Variants in CACNA1C observed in about 807,000 individuals in gnomAD.
CACNA1C encodes the protein voltage-dependent L-type calcium channel subunit alpha-1C.
A neutral mutation model predicts 229.0 loss-of-function variants in CACNA1C; 30 were observed. That is an observed-to-expected ratio of 0.13 (90% confidence interval 0.10 to 0.18). CACNA1C has a LOEUF of 0.18. Ranked by LOEUF, CACNA1C falls within the 10% of genes least tolerant of loss-of-function variation. CACNA1C has a pLI of 1.00. For synonymous variants in CACNA1C, 1,114 were observed against 1,132.5 expected (o/e 0.98, Z 0.33); for missense variants, 1,658 against 2,845.0 (o/e 0.58, Z 9.49).
At chr12:2,447,154 C>T (rs1334491436) in intron 3 of CACNA1C, among the ~76,000 whole-genome samples, 1 of 152,158 alleles carries the variant, frequency 6.6e-6, no homozygotes, top group African/African-American at 2.4e-5. Flanking sequence ...CCTCAGGTTC[C>T]CCTGTGCTGT....
intron 1 of CACNA1C, among the ~76,000 whole-genome samples, chr12:2,078,664 T>G (rs1015774206): frequency 6.6e-6 from 1 of 152,194 alleles, no homozygotes; most frequent in African/African-American, 2.4e-5. Context: ...AATGCACATA[T>G]AGTTAACACT....
At chr12:2,525,663 ATGAT>A (rs1182233500) in intron 9 of CACNA1C, among the ~76,000 whole-genome samples, 4 of 152,206 alleles carry the variant, frequency 2.6e-5, no homozygotes, top group African/African-American at 4.8e-5. Context: ...CCTTGCCTGC[ATGAT>A]TAAATGCCTC....
chr12:2,224,091 A>G (rs1325292071), intron 3 of CACNA1C, among the ~76,000 whole-genome samples: 2 of 152,144 alleles, frequency 1.3e-5, no homozygotes, highest in South Asian at 2.1e-4. Flanking sequence ...ACAGGTAGAG[A>G]TGGTGAGGCT....
intron 9 of CACNA1C, among the ~76,000 whole-genome samples, chr12:2,531,388 A>G (rs1258011873): frequency 6.6e-6 from 1 of 152,192 alleles, no homozygotes; most frequent in Non-Finnish European, 1.5e-5. Flanking sequence ...CTCTGATACT[A>G]ACTGGCCCTG....
chr12:2,608,455 C>T lies in CACNA1C; in HGVS notation c.3357-56C>T, dbSNP rs1367245365. Reference sequence around the variant, plus strand: ...CCCTGGAGCAGTGGTGCCGTCCTTCCGCAGAGGGGACCCTGCTTCTCCAGT... The same window carrying T: ...CCCTGGAGCAGTGGTGCCGTCCTTCTGCAGAGGGGACCCTGCTTCTCCAGT... On this transcript the variant is annotated intron_variant, in intron 26 of 46. Transcript: ENST00000399655. The surrounding 1 kb of genome is among the most constrained non-coding windows in gnomAD (Gnocchi z 4.2). The T allele has an allele frequency of 7.2e-6, 10 of 1,385,314 alleles. No individual in the cohort carries two copies. The highest frequency in any genetic ancestry group is 1.3e-5 in the South Asian group (1 of 74,792). 85.8% of individuals were successfully genotyped at this position (1,385,314 alleles called of 1,614,324 possible).
At chr12:2,448,696 G>GT in intron 3 of CACNA1C, among the ~76,000 whole-genome samples, 1 of 151,802 alleles carries the variant, frequency 6.6e-6, no homozygotes, top group African/African-American at 2.4e-5. Flanking sequence ...TAAATAAAAT[G>GT]TTTCAAAAAA....
intron 3 of CACNA1C, among the ~76,000 whole-genome samples, chr12:2,151,712 AAG>A (rs1322470833): frequency 6.6e-6 from 1 of 152,170 alleles, no homozygotes; most frequent in African/African-American, 2.4e-5. Flanking sequence ...CTCCATCATG[AAG>A]AGAGTGTTAC....
chr12:2,378,305 G>C (rs1396012868), intron 3 of CACNA1C, among the ~76,000 whole-genome samples: 1 of 152,150 alleles, frequency 6.6e-6, no homozygotes, highest in Non-Finnish European at 1.5e-5. Context: ...CCTAAGGGAA[G>C]CACGGGCCTC....
chr12:2,204,139 C>T (rs1387804273), intron 3 of CACNA1C, among the ~76,000 whole-genome samples: 1 of 151,962 alleles, frequency 6.6e-6, no homozygotes, highest in Non-Finnish European at 1.5e-5. Flanking sequence ...TTAATGATCG[C>T]CATTCTAACT....
chr12:2,432,628 A>G (rs955756100), intron 3 of CACNA1C, among the ~76,000 whole-genome samples: 1 of 152,196 alleles, frequency 6.6e-6, no homozygotes, highest in Non-Finnish European at 1.5e-5. Flanking sequence ...ATAATGGTGC[A>G]ATCATCTGTT....
chr12:2,255,586 C>A (rs1000166480), intron 3 of CACNA1C, among the ~76,000 whole-genome samples: 1 of 152,236 alleles, frequency 6.6e-6, no homozygotes, highest in African/African-American at 2.4e-5. Flanking sequence ...AGAAGGGGCA[C>A]TTCCCAGTTT....
Position 2,651,482 on chromosome 12 carries a change from G to A in CACNA1C, c.3946-158G>A. The A allele has an allele frequency of 9.9e-7, 1 of 1,012,852 alleles. No individual in the cohort carries two copies. The highest frequency in any genetic ancestry group is 2.2e-4 in the Middle Eastern group (1 of 4,470). The allele number at this position is 1,012,852 out of a possible 1,614,324, so 62.7% of individuals were successfully genotyped here. A position where few individuals can be genotyped will look rare whatever the true frequency, so the allele number is the denominator to read the frequency against. ...GGCTGGGCTGTCCACTCATTAAAGT[G>A]GGCGGCCGCCCTCCCATCGGAGGGG... On this transcript the variant is annotated intron_variant, in intron 31 of 46. Coordinates refer to ENST00000399655, the MANE Select transcript of CACNA1C (RefSeq NM_000719.7). The surrounding 1 kb of genome is among the most constrained non-coding windows in gnomAD (Gnocchi z 5.4).
chr12:2,476,341 A>T (rs201858751), intron 5 of CACNA1C, among the ~76,000 whole-genome samples: 1 of 152,262 alleles, frequency 6.6e-6, no homozygotes, highest in African/African-American at 2.4e-5. Flanking sequence ...GGTAGCTTCA[A>T]GTTGGCTTGG....
chr12:2,260,566 C>T (rs752657340), intron 3 of CACNA1C, among the ~76,000 whole-genome samples: 1 of 151,998 alleles, frequency 6.6e-6, no homozygotes, highest in Non-Finnish European at 1.5e-5. Flanking sequence ...GATTGCTCAA[C>T]CCCATGGAGG....
At chr12:2,128,682 A>T (rs1268128440) in intron 3 of CACNA1C, among the ~76,000 whole-genome samples, 1 of 152,178 alleles carries the variant, frequency 6.6e-6, no homozygotes, top group African/African-American at 2.4e-5. Flanking sequence ...AAATGCTGGG[A>T]TTACAGGCGT....
chr12:2,342,052 G>C (rs1334021463), intron 3 of CACNA1C, among the ~76,000 whole-genome samples: 1 of 152,152 alleles, frequency 6.6e-6, no homozygotes, highest in Non-Finnish European at 1.5e-5. Flanking sequence ...TCATTTGTTA[G>C]GAAATAAAAC....
At position 2,501,536 on chromosome 12, in the gene CACNA1C, A is replaced by G. The variant is rs1352224511; in HGVS notation, c.1114-3306A>G. On this transcript the variant is annotated intron_variant, in intron 7 of 46. Transcript: ENST00000399655. The stretch of plus-strand genomic sequence containing the variant: ...GACCACTGCTAAGAATAGTCAAAGA[A>G]TGACCTCACGGTTCCCATCGTCAAA... Among the ~76,000 whole-genome samples, 3 of 152,326 alleles carry G rather than the reference A, an allele frequency of 2.0e-5. No homozygotes were observed. In the East Asian group the frequency reaches 5.8e-4, roughly 29 times the overall value.
intron 29 of CACNA1C, among the ~76,000 whole-genome samples, chr12:2,618,993 G>A (rs2082037942): frequency 6.6e-6 from 1 of 152,180 alleles, no homozygotes; most frequent in Admixed American, 6.5e-5. Context: ...ACTTCTGTAT[G>A]ATGCAGTAAT....
At chr12:2,336,110 A>G (rs532781394) in intron 3 of CACNA1C, among the ~76,000 whole-genome samples, 5 of 152,202 alleles carry the variant, frequency 3.3e-5, no homozygotes, top group African/African-American at 1.2e-4. Context: ...TTGATTCCCA[A>G]GAGAGAAACT....
Sources: gnomAD v4.1 joint callset for allele counts (sites outside exome capture counted in the v4.1 genomes callset) on GRCh38, gnomAD v4.1.1 for gene constraint, Gnocchi (gnomAD v3.1) non-coding constraint, MANE v1.5 for transcripts, NCBI Gene and HGNC (gene_info 2026-07-23, HGNC 2026-07-21) for gene names.